Variants in SNTG1 observed in about 807,000 individuals in gnomAD.
The protein encoded by SNTG1 is syntrophin gamma 1, also known as gamma-1-syntrophin.
A neutral mutation model predicts 74.7 loss-of-function variants in SNTG1; 39 were observed. That is an observed-to-expected ratio of 0.52 (90% CI 0.40 to 0.68). The LOEUF is 0.68. Among genes scored for constraint, SNTG1 ranks in the 30% least tolerant of loss-of-function variants. The pLI is 0.00. For synonymous variants in SNTG1, 254 were observed against 217.1 expected, an observed-to-expected ratio of 1.17 and a Z score of -1.49; for missense variants, 685 against 609.5, an observed-to-expected ratio of 1.12 and a Z score of -1.30.
intron 13 of SNTG1, among the ~76,000 whole-genome samples, chr8:50,656,390 A>T (rs1235978629): frequency 1.3e-5 from 2 of 152,124 alleles, no homozygotes; most frequent in East Asian, 1.9e-4. Context: ...TTCATCTAAG[A>T]TCAATGATTA....
chr8:50,495,884 C>G (rs1326553201), intron 8 of SNTG1, among the ~76,000 whole-genome samples: 1 of 152,184 alleles, frequency 6.6e-6, no homozygotes, highest in Non-Finnish European at 1.5e-5. Context: ...GACTCCCTAA[C>G]ACTGGCATGA....
At chr8:50,261,286 T>C (rs10957854) in intron 2 of SNTG1, among the ~76,000 whole-genome samples, 137,214 of 152,192 alleles carry the variant, frequency 0.9, 63,094 homozygotes, top group East Asian at 1. Flanking sequence ...TTCTCATCGA[T>C]TTAGAATTCC....
chr8:50,449,827 G>C (rs575445997), intron 6 of SNTG1, 102 bp downstream of exon 6: 1 of 1,033,126 alleles, frequency 9.7e-7, no homozygotes, highest in South Asian at 2.7e-5. Flanking sequence ...TGATTGACTG[G>C]CTCCAGCTTC....
chr8:50,153,046 C>T (rs1343298451), intron 1 of SNTG1, among the ~76,000 whole-genome samples: 1 of 152,208 alleles, frequency 6.6e-6, no homozygotes, highest in African/African-American at 2.4e-5. Context: ...GTACACCAAT[C>T]AGACGTAGAT....
chr8:50,120,595 C>G lies in SNTG1; in HGVS notation c.-102-51966C>G, dbSNP rs55646551. The stretch of plus-strand genomic sequence containing the variant: ...GTACCACTACTACCACCACAAACTA[C>G]TACTCATTATTACTGCCATCTTTAT... On this transcript the variant is annotated intron_variant, in intron 1 of 18. Transcript: ENST00000642720. Among the ~76,000 whole-genome samples the G allele has an allele frequency of 7.8e-5, 11 of 140,758 alleles. 2 individuals carry two copies. Among genetic ancestry groups the G allele is most frequent in the Non-Finnish European group, 1.7e-4 (11 of 63,322 alleles). The allele number at this position is 140,758 out of a possible 152,430, so 92.3% of individuals were successfully genotyped here. A position where few individuals can be genotyped will look rare whatever the true frequency, so the allele number is the denominator to read the frequency against.
chr8:50,216,735 T>C (rs1421758176), intron 2 of SNTG1, among the ~76,000 whole-genome samples: 2 of 152,118 alleles, frequency 1.3e-5, no homozygotes, highest in Non-Finnish European at 2.9e-5. Flanking sequence ...AAATTCTTAA[T>C]GTCTGAGAAT....
chr8:50,187,997 T>C (rs1241138197), intron 2 of SNTG1, among the ~76,000 whole-genome samples: 1 of 152,134 alleles, frequency 6.6e-6, no homozygotes, highest in East Asian at 1.9e-4. Context: ...ACTGCCACCT[T>C]AGCCACTTTG....
chr8:50,025,870 T>C (rs1817221865), intron 1 of SNTG1, among the ~76,000 whole-genome samples: 1 of 152,182 alleles, frequency 6.6e-6, no homozygotes, highest in Admixed American at 6.5e-5. Flanking sequence ...CTGATTGTAG[T>C]GAAGAAAATA....
At chr8:50,637,397 G>C (rs1163173733) in intron 13 of SNTG1, among the ~76,000 whole-genome samples, 2 of 151,712 alleles carry the variant, frequency 1.3e-5, no homozygotes, top group South Asian at 4.2e-4. Flanking sequence ...AACCTTTCTT[G>C]CTATTATTTC....
At chr8:50,146,386 C>A (rs1000133872) in intron 1 of SNTG1, among the ~76,000 whole-genome samples, 2 of 152,018 alleles carry the variant, frequency 1.3e-5, no homozygotes, top group African/African-American at 4.8e-5. Flanking sequence ...GGCGTGGTGG[C>A]GCATGCCTTT....
At chr8:50,094,758 A>C (rs2079865776) in intron 1 of SNTG1, among the ~76,000 whole-genome samples, 2 of 152,174 alleles carry the variant, frequency 1.3e-5, no homozygotes, top group Non-Finnish European at 2.9e-5. Context: ...AGATTTCTCA[A>C]AGGATTTAAA....
At chr8:49,998,001 G>T (rs557949268) in intron 1 of SNTG1, among the ~76,000 whole-genome samples, 1 of 152,228 alleles carries the variant, frequency 6.6e-6, no homozygotes, top group South Asian at 2.1e-4. Flanking sequence ...TATACAAATT[G>T]AGATGGTAGA....
chr8:50,108,130 T>G (rs2080450633), intron 1 of SNTG1, among the ~76,000 whole-genome samples: 1 of 152,194 alleles, frequency 6.6e-6, no homozygotes, highest in Non-Finnish European at 1.5e-5. Flanking sequence ...CTACCTTGCA[T>G]AGTTTTCTCT....
intron 2 of SNTG1, among the ~76,000 whole-genome samples, chr8:50,249,098 C>T (rs923335573): frequency 2.0e-5 from 3 of 152,038 alleles, no homozygotes; most frequent in Admixed American, 6.6e-5. Context: ...AAACCTCTTC[C>T]TACAAGGAAA....
intron 13 of SNTG1, among the ~76,000 whole-genome samples, chr8:50,639,665 A>C: frequency 6.6e-6 from 1 of 152,212 alleles, no homozygotes; most frequent in African/African-American, 2.4e-5. Flanking sequence ...CCTCTGCTAC[A>C]ATAATGTACA....
chr8:50,476,062 AC>A (rs111336818), intron 8 of SNTG1, among the ~76,000 whole-genome samples: 11,888 of 152,078 alleles, frequency 0.078, 1,021 homozygotes, highest in African/African-American at 0.22. Flanking sequence ...TGTATACACT[AC>A]CCACCCGTTA....
At chr8:50,231,259 G>A (rs971065978) in intron 2 of SNTG1, among the ~76,000 whole-genome samples, 2 of 151,212 alleles carry the variant, frequency 1.3e-5, no homozygotes, top group Non-Finnish European at 3.0e-5. Context: ...TATGAGAAAA[G>A]GGAACCCTCA....
chr8:50,353,407 T>TA (rs926651210), intron 2 of SNTG1, among the ~76,000 whole-genome samples: 3 of 151,876 alleles, frequency 2.0e-5, no homozygotes, highest in Admixed American at 6.6e-5. Flanking sequence ...AGTATAATAA[T>TA]AAAAAAAAGA....
intron 15 of SNTG1, among the ~76,000 whole-genome samples, chr8:50,690,504 T>C (rs1219257649): frequency 1.3e-5 from 2 of 152,230 alleles, no homozygotes; most frequent in Non-Finnish European, 2.9e-5. Flanking sequence ...TTTCATTATT[T>C]ACCCAGTAGT....
Sources: gnomAD v4.1 joint callset for allele counts (sites outside exome capture counted in the v4.1 genomes callset) on GRCh38, gnomAD v4.1.1 for gene constraint, MANE v1.5 for transcripts, NCBI Gene and HGNC (gene_info 2026-07-23, HGNC 2026-07-21) for gene names.